Variants in PARD3B observed in about 807,000 individuals in gnomAD.
PARD3B encodes partitioning defective 3 homolog B.
PARD3B carries 103 observed loss-of-function variants against 130.2 expected under a neutral mutation model. The observed-to-expected ratio is 0.79, with a 90% CI of 0.67 to 0.93. The LOEUF (loss-of-function observed/expected upper bound fraction) is 0.93, where lower values mean the gene tolerates loss of function less well. PARD3B is among the 40% of genes least tolerant of loss of function. The pLI is 0.00. For synonymous variants in PARD3B, 583 were observed against 553.2 expected, an observed-to-expected ratio of 1.05 and a Z score of -0.76; for missense variants, 1,609 against 1,499.2, an observed-to-expected ratio of 1.07 and a Z score of -1.21.
At chr2:204,872,734 T>G (rs1376961801) in intron 2 of PARD3B, among the ~76,000 whole-genome samples, 1 of 152,222 alleles carries the variant, frequency 6.6e-6, no homozygotes, top group Non-Finnish European at 1.5e-5. Context: ...TTTGGGTAAT[T>G]ATATGAATAA....
intron 21 of PARD3B, among the ~76,000 whole-genome samples, chr2:205,517,103 C>G (rs1374898339): frequency 1.3e-5 from 2 of 152,156 alleles, no homozygotes; most frequent in East Asian, 3.9e-4. Context: ...CCTTGCATCT[C>G]AAGGATGAAG....
In PARD3B at chr2:205,258,782, T is replaced by C. The variant is rs1221245617; in HGVS notation, c.2185+12960T>C. ...TGTTTTGATGTTCAATGTGACAACC[T>C]GAATTGTAACTGGGGTTTAACACAT... On this transcript the variant is annotated intron_variant, in intron 16 of 22. Transcript: ENST00000406610. This position sits in a 1 kb window ranked among gnomAD's most constrained non-coding sequence, Gnocchi z 4.9. 1.3e-5 allele frequency among the ~76,000 whole-genome samples: 2 copies of C among 152,236 alleles called. No individual in the cohort carries two copies. The highest frequency in any genetic ancestry group is 2.9e-5 in the Non-Finnish European group (2 of 68,030).
intron 15 of PARD3B, among the ~76,000 whole-genome samples, chr2:205,195,437 A>AG (rs1462589448): frequency 3.3e-4 from 50 of 152,190 alleles, no homozygotes; most frequent in Admixed American, 2.0e-4. Context: ...GTCTTTCAGA[A>AG]GGCCCTGAGA....
chr2:205,186,753 C>T (rs2036124836), intron 14 of PARD3B, among the ~76,000 whole-genome samples: 1 of 152,068 alleles, frequency 6.6e-6, no homozygotes, highest in South Asian at 2.1e-4. Context: ...ACTACAGTTT[C>T]GTGAACTAGA....
intron 10 of PARD3B, among the ~76,000 whole-genome samples, chr2:205,144,631 G>T (rs1575943380): frequency 6.6e-6 from 1 of 152,060 alleles, no homozygotes. Context: ...AAGATAAAAG[G>T]CAAATTATAT....
At chr2:205,394,018 A>T (rs1430978370) in intron 18 of PARD3B, among the ~76,000 whole-genome samples, 2 of 152,104 alleles carry the variant, frequency 1.3e-5, no homozygotes, top group Non-Finnish European at 1.5e-5. Context: ...CTAGGGACTT[A>T]GTTTAATTGA....
chr2:205,383,265 C>T (rs1205712818), intron 18 of PARD3B, among the ~76,000 whole-genome samples: 2 of 151,928 alleles, frequency 1.3e-5, no homozygotes, highest in Non-Finnish European at 2.9e-5. Flanking sequence ...ATCATTCTAG[C>T]CTCTTCCTCT....
intron 21 of PARD3B, among the ~76,000 whole-genome samples, chr2:205,514,148 C>A (rs1287743144): frequency 6.6e-6 from 1 of 152,012 alleles, no homozygotes; most frequent in Non-Finnish European, 1.5e-5. Flanking sequence ...AAGATCAGCC[C>A]GAGAGAGTAG....
intron 20 of PARD3B, among the ~76,000 whole-genome samples, chr2:205,495,054 CA>C: frequency 6.6e-6 from 1 of 152,162 alleles, no homozygotes; most frequent in East Asian, 1.9e-4. Context: ...AAAAGTACTA[CA>C]GTTGAGGTCA....
chr2:205,193,250 C>A lies in PARD3B; in HGVS notation c.2070C>A (p.Asn690Lys). 1 of 1,613,686 alleles carries A rather than the reference C, an allele frequency of 6.2e-7. No individual in the cohort carries two copies. Among genetic ancestry groups the A allele is most frequent in the Non-Finnish European group, 8.5e-7 (1 of 1,179,568 alleles). Residue 690 changes from asparagine (N) to lysine (K), a missense_variant, in exon 15 of 23, where the codon AAC becomes AAA. Coordinates refer to ENST00000406610, the MANE Select transcript of PARD3B (RefSeq NM_001302769.2). ...TATATTTTCCAGATCAGCACATCAA[C>A]TTCAGATCTGTGACACCGGCCAGGC... is the stretch of plus-strand genomic sequence containing the variant. ...SAVYFPDQHINFRSVTPARQP... is the reference protein window; with the variant it reads ...SAVYFPDQHIKFRSVTPARQP...
chr2:204,660,283 T>A (rs1457949478), intron 1 of PARD3B, among the ~76,000 whole-genome samples: 2 of 152,144 alleles, frequency 1.3e-5, no homozygotes, highest in African/African-American at 2.4e-5. Context: ...TTATTGCAAT[T>A]AACCACCTCC....
chr2:204,703,116 AT>A (rs1414486194), intron 2 of PARD3B, among the ~76,000 whole-genome samples: 3 of 152,314 alleles, frequency 2.0e-5, no homozygotes, highest in African/African-American at 7.2e-5. Flanking sequence ...CATTTTACAA[AT>A]TGGTAAACTA....
At chr2:204,700,796 G>A (rs2037854309) in intron 2 of PARD3B, among the ~76,000 whole-genome samples, 1 of 152,036 alleles carries the variant, frequency 6.6e-6, no homozygotes, top group African/African-American at 2.4e-5. Flanking sequence ...AGGTTAAAAG[G>A]TGGTAGGACA....
At chr2:205,381,270 T>C (rs189991294) in intron 18 of PARD3B, among the ~76,000 whole-genome samples, 1 of 141,350 alleles carries the variant, frequency 7.1e-6, no homozygotes, top group East Asian at 2.0e-4. Flanking sequence ...ATAATATATA[T>C]GTGGACATTT....
intron 1 of PARD3B, among the ~76,000 whole-genome samples, chr2:204,562,526 G>A (rs1405650578): frequency 6.6e-6 from 1 of 152,172 alleles, no homozygotes; most frequent in Non-Finnish European, 1.5e-5. Flanking sequence ...GAGTCATCCT[G>A]GCCCAGAAGT....
At chr2:204,658,539 A>G (rs1386163964) in intron 1 of PARD3B, among the ~76,000 whole-genome samples, 2 of 152,196 alleles carry the variant, frequency 1.3e-5, no homozygotes, top group African/African-American at 2.4e-5. Flanking sequence ...ATTGGTGACC[A>G]TTCACTTTGT....
chr2:205,390,391 G>T (rs2045815794), intron 18 of PARD3B, among the ~76,000 whole-genome samples: 1 of 151,990 alleles, frequency 6.6e-6, no homozygotes, highest in South Asian at 2.1e-4. Flanking sequence ...AGCTATAAAG[G>T]GTTAATGCTG....
chr2:205,053,491 T>G (rs982486165), intron 4 of PARD3B, among the ~76,000 whole-genome samples: 1 of 151,548 alleles, frequency 6.6e-6, no homozygotes, highest in African/African-American at 2.4e-5. Context: ...ACAAAAAAAA[T>G]TATCCAGGCT....
At chr2:204,652,224 G>A (rs905839871) in intron 1 of PARD3B, among the ~76,000 whole-genome samples, 5 of 151,884 alleles carry the variant, frequency 3.3e-5, no homozygotes, top group Non-Finnish European at 5.9e-5. Flanking sequence ...CAAATTTTCC[G>A]AACTTCTTGC....
Sources: gnomAD v4.1 joint callset for allele counts (sites outside exome capture counted in the v4.1 genomes callset) on GRCh38, gnomAD v4.1.1 for gene constraint, Gnocchi (gnomAD v3.1) non-coding constraint, MANE v1.5 for transcripts, NCBI Gene and HGNC (gene_info 2026-07-23, HGNC 2026-07-21) for gene names.